Variants in KRT73 observed in about 807,000 individuals in gnomAD.
The protein encoded by KRT73 is keratin 73.
Under a neutral mutation model 47.2 loss-of-function variants are expected in KRT73, and 44 were observed. That is an observed-to-expected ratio of 0.93 (90% CI 0.73 to 1.20). KRT73 has a LOEUF of 1.20. KRT73 is among the 50% of genes most tolerant of loss of function. The pLI, the probability that KRT73 is intolerant of heterozygous loss-of-function variation, is 0.00. For missense variants in KRT73, 713 were observed against 704.5 expected (o/e 1.01, Z -0.14); for synonymous variants, 285 against 291.3 (o/e 0.98, Z 0.22).
chr12:52,616,236 A>G lies in KRT73; in HGVS notation c.592T>C (p.Ser198Pro), dbSNP rs200187421. 2.5e-6 allele frequency: 4 copies of G among 1,614,134 alleles called. No homozygotes were observed. The highest frequency in any genetic ancestry group is 2.7e-5 in the African/African-American group (2 of 75,044). Residue 198 changes from serine (S) to proline (P), a missense_variant, in exon 2 of 9, where the codon TCT (serine) becomes CCT (proline). Transcript: ENST00000305748. ...SNLRKQLETL[S>P]GDRVRLDSEL... ...GAGTCCAGCCTCACCCTGTCCCCAG[A>G]CAGCGTCTCCAGCTGCTTCCGCAGG...
intron 3 of KRT73, 134 bp from the exon 4 acceptor site, chr12:52,614,808 T>C: frequency 1.2e-4 from 80 of 661,842 alleles, no homozygotes. Flanking sequence ...GAACCGGCCT[T>C]CCAGCCACAA....
In KRT73 at chr12:52,611,261, T is replaced by C. The variant is rs1188238597; in HGVS notation, c.1053A>G (p.Ser351=). ...GTCTTTGGATGAGACGGGTCAGCTCTGAGATCTCATTTTTGGTGTGTTTCA... is the reference window on the plus strand; with the variant it reads ...GTCTTTGGATGAGACGGGTCAGCTCCGAGATCTCATTTTTGGTGTGTTTCA... The part of the protein sequence containing the change: ...DDLKHTKNEI[S]ELTRLIQRLR... The change falls in exon 6 of 9, where the codon TCA becomes TCG. Residue 351 remains serine (S), a synonymous_variant. Coordinates refer to ENST00000305748, the MANE Select transcript of KRT73 (RefSeq NM_175068.3). The C allele has an allele frequency of 6.2e-7, 1 of 1,614,076 alleles. No individual in the cohort carries two copies.
At chr12:52,622,594 C>T (rs1290895780), upstream of KRT73, among the ~76,000 whole-genome samples, 1 of 152,220 alleles carries the variant, frequency 6.6e-6, no homozygotes, top group African/African-American at 2.4e-5. Context: ...AGTGCAAGTA[C>T]AAGTCTCTGT....
chr12:52,610,623 C>T lies in KRT73; in HGVS notation c.1323G>A (p.Glu441=). Residue 441 remains glutamate, a synonymous_variant, in exon 7 of 9, where the codon GAG becomes GAA. Coordinates refer to ENST00000305748, the MANE Select transcript of KRT73 (RefSeq NM_175068.3). ...IATYRKLLEG[E]ECRMSGEYTN... is the part of the protein sequence containing the mutation. Reference sequence around the variant, plus strand: ...CCCTCGGTCCCACCCACCTGCACTCCTCGCCCTCCAGCAGCTTGCGGTAGG... The same window carrying T: ...CCCTCGGTCCCACCCACCTGCACTCTTCGCCCTCCAGCAGCTTGCGGTAGG... The T allele has an allele frequency of 6.2e-7, 1 of 1,610,768 alleles. No individual in the cohort carries two copies. The highest frequency in any genetic ancestry group is 8.5e-7 in the Non-Finnish European group (1 of 1,178,410).
intron 7 of KRT73, chr12:52,610,274 C>T: frequency 9.7e-6 from 3 of 308,580 alleles, no homozygotes; most frequent in South Asian, 6.6e-5. Flanking sequence ...CGAGGTTTCT[C>T]CAATGTTGGC....
At chr12:52,629,005 C>T in the KRT73 span, among the ~76,000 whole-genome samples, 1 of 152,156 alleles carries the variant, frequency 6.6e-6, no homozygotes, top group Non-Finnish European at 1.5e-5. Context: ...CTTGACTCCT[C>T]ATCTCCCAAG....
intron 3 of KRT73, 24 bp from the exon 4 acceptor site, chr12:52,614,698 G>A: frequency 1.3e-6 from 2 of 1,596,446 alleles, no homozygotes; most frequent in Non-Finnish European, 1.7e-6. Context: ...AGATACCCCT[G>A]ACCTCACCTT....
upstream of KRT73, among the ~76,000 whole-genome samples, chr12:52,620,113 T>C (rs953995831): frequency 1.4e-4 from 20 of 142,850 alleles, no homozygotes; most frequent in Admixed American, 2.1e-4. Flanking sequence ...TTTTTTCTTT[T>C]TTTTTTTTTT....
Position 52,610,671 on chromosome 12 carries a change from C to T in KRT73, c.1275G>A (p.Leu425=). ...REYQELLSVK[L]SLDIEIATYR... ...AGGTGGCGATCTCAATATCCAGGGACAGCTTCACGCTCAAAAGCTCTTGGT... is the reference window on the plus strand; with the variant it reads ...AGGTGGCGATCTCAATATCCAGGGATAGCTTCACGCTCAAAAGCTCTTGGT... The change falls in exon 7 of 9, where the codon CTG becomes CTA. Residue 425 remains leucine, a synonymous_variant. Coordinates refer to ENST00000305748, the MANE Select transcript of KRT73 (RefSeq NM_175068.3). 2.5e-6 allele frequency: 4 copies of T among 1,613,980 alleles called. No homozygotes were observed. The highest frequency in any genetic ancestry group is 3.4e-6 in the Non-Finnish European group (4 of 1,180,020).
intron 5 of KRT73, 144 bp from the exon 6 acceptor site, chr12:52,611,473 A>C (rs757256540): frequency 4.6e-5 from 41 of 883,078 alleles, no homozygotes; most frequent in Non-Finnish European, 6.7e-5. Context: ...GCAGCCTCCC[A>C]TTAAAGCATT....
At chr12:52,608,494 GA>G in intron 8 of KRT73, 42 bp from the exon 9 acceptor site, 1 of 1,525,250 alleles carries the variant, frequency 6.6e-7, no homozygotes, top group Non-Finnish European at 8.8e-7. Flanking sequence ...TATATCCCAG[GA>G]CAGAGGTGGC....
chr12:52,615,438 T>A, intron 2 of KRT73, 99 bp from the exon 3 acceptor site: 1 of 920,936 alleles, frequency 1.1e-6, no homozygotes, highest in Non-Finnish European at 1.7e-6. Context: ...ATTATATGCC[T>A]TTTAAGAGGT....
chr12:52,621,290 A>AG (rs11302494), upstream of KRT73, among the ~76,000 whole-genome samples: 594 of 105,208 alleles, frequency 5.6e-3, 3 homozygotes, highest in South Asian at 0.011. Flanking sequence ...AGAGAAAGAA[A>AG]GGGGGGGGGG....
chr12:52,623,988 A>G, the KRT73 span, among the ~76,000 whole-genome samples: 1 of 152,070 alleles, frequency 6.6e-6, no homozygotes, highest in Non-Finnish European at 1.5e-5. Flanking sequence ...AATTATGTTA[A>G]ATATAAATGG....
intron 1 of KRT73, among the ~76,000 whole-genome samples, chr12:52,617,866 T>C (rs914919375): frequency 6.6e-6 from 1 of 152,174 alleles, no homozygotes; most frequent in Non-Finnish European, 1.5e-5. Flanking sequence ...CCAAGGACAA[T>C]GAAGGCGGGG....
chr12:52,613,780 C>G lies in KRT73; in HGVS notation c.892G>C (p.Asp298His). The G allele has an allele frequency of 6.2e-7, 1 of 1,614,210 alleles. No homozygotes were observed. Among genetic ancestry groups the G allele is most frequent in the Non-Finnish European group, 8.5e-7 (1 of 1,180,036 alleles). Reference sequence around the variant, plus strand: ...ACCTCAGCAATGATGCTGTCCAGGTCCAGGTTCCGGTTGTTGTCCATGGAC... The same window carrying G: ...ACCTCAGCAATGATGCTGTCCAGGTGCAGGTTCCGGTTGTTGTCCATGGAC... ...ILSMDNNRNL[D>H]LDSIIAEVRA... Residue 298 changes from aspartate to histidine, a missense_variant, in exon 5 of 9, where the codon GAC (aspartate) becomes CAC (histidine). By Grantham distance (81) the Asp-to-His change is moderately conservative. Coordinates refer to ENST00000305748, the MANE Select transcript of KRT73 (RefSeq NM_175068.3).
chr12:52,613,946 T>C lies in KRT73; in HGVS notation c.820-94A>G, dbSNP rs989368893. On this transcript the variant is annotated intron_variant, in intron 4 of 8. Transcript: ENST00000305748. ...GTCCCAGAGGGATGGCCCTAGACCA[T>C]CCCACACAGATGGAAGCTGCACTTC... The C allele has an allele frequency of 8.6e-6, 13 of 1,519,006 alleles. No homozygotes were observed. The African/African-American group carries it at 1.7e-4, about 19-fold the overall frequency. 94.1% of individuals were successfully genotyped at this position (1,519,006 alleles called of 1,614,324 possible).
chr12:52,629,246 C>A, the KRT73 span, among the ~76,000 whole-genome samples: 3 of 152,182 alleles, frequency 2.0e-5, no homozygotes, highest in African/African-American at 7.2e-5. Flanking sequence ...CACCCCCACA[C>A]CCCTTCTACA....
In KRT73 at chr12:52,614,601, A is replaced by T. The variant is rs768590191; in HGVS notation, c.797T>A (p.Phe266Tyr). The change falls in exon 4 of 9, where the codon TTC becomes TAC. Residue 266 changes from phenylalanine (F) to tyrosine (Y), a missense_variant. By Grantham distance (22) the Phe-to-Tyr change is conservative. Coordinates refer to ENST00000305748, the MANE Select transcript of KRT73 (RefSeq NM_175068.3). Reference protein sequence around the residue: ...KVDALDGEIKFFKCLYEGETA... With the variant: ...KVDALDGEIKYFKCLYEGETA... ...TACCCCCTCGTACAGACACTTGAAG[A>T]ACTTGATTTCTCCATCCAGGGCATC... The T allele has an allele frequency of 1.2e-6, 2 of 1,613,958 alleles. No individual in the cohort carries two copies. The highest frequency in any genetic ancestry group is 1.7e-6 in the Non-Finnish European group (2 of 1,179,922).
Sources: allele counts gnomAD v4.1 joint callset (sites outside exome capture counted in the v4.1 genomes callset), GRCh38; gene constraint gnomAD v4.1.1; transcripts MANE v1.5; gene names NCBI Gene and HGNC (gene_info 2026-07-23, HGNC 2026-07-21).